The following PXN variants were observed in gnomAD, a reference collection of about 807,000 sequenced individuals.
PXN encodes testicular tissue protein Li 134.
Under a neutral mutation model 103.6 loss-of-function variants are expected in PXN, and 61 were observed. That is an observed-to-expected ratio of 0.59 (90% confidence interval 0.48 to 0.73). PXN has a LOEUF of 0.73. Among genes scored for constraint, PXN ranks in the 30% least tolerant of loss-of-function variants. The pLI is 0.00. For missense variants in PXN, 1,274 were observed against 1,460.3 expected (o/e 0.87, Z 2.08); for synonymous variants, 562 against 607.8 (o/e 0.92, Z 1.11).
chr12:120,222,434 C>A lies in PXN; in HGVS notation c.695+115G>T. 3 of 1,217,584 alleles carry A rather than the reference C, an allele frequency of 2.5e-6. No homozygotes were observed. Among genetic ancestry groups the A allele is most frequent in the Non-Finnish European group, 3.4e-6 (3 of 889,380 alleles). 75.4% of individuals were successfully genotyped at this position (1,217,584 alleles called of 1,614,324 possible). On this transcript the variant is annotated intron_variant, in intron 5 of 14. Transcript: ENST00000637617. This position sits in a 1 kb window ranked among gnomAD's most constrained non-coding sequence, Gnocchi z 4.7. Reference sequence around the variant, plus strand: ...TCACCACTATCCCCCCAGTGCCTGGCAAATGGCAGACACGGGAGGGAGTGG... The same window carrying A: ...TCACCACTATCCCCCCAGTGCCTGGAAAATGGCAGACACGGGAGGGAGTGG...
intron 1 of PXN, among the ~76,000 whole-genome samples, chr12:120,246,800 A>G (rs1201999871): frequency 6.6e-6 from 1 of 151,006 alleles, no homozygotes; most frequent in East Asian, 1.9e-4. Flanking sequence ...GGTTGCAGTG[A>G]GCCAGGATTG....
Position 120,219,928 on chromosome 12 carries a change from C to A in PXN, c.995G>T (p.Cys332Phe), listed in dbSNP as rs1884579365. The change falls in exon 7 of 15, where the codon TGT becomes TTT. Residue 332 changes from cysteine to phenylalanine, a missense_variant. Transcript: ENST00000637617. The surrounding 1 kb of genome is among the most constrained non-coding windows in gnomAD (Gnocchi z 6.5). The stretch of plus-strand genomic sequence containing the variant: ...AAGGCCTCGTCCACTCTGCTCAGTA[C>A]AAGGGAACTCCGGAGTGTGGCCCTG... ...RGQGHTPEFP[C>F]TEQSGRGLLP... The A allele has an allele frequency of 1.9e-6, 3 of 1,597,910 alleles. No individual in the cohort carries two copies. The highest frequency in any genetic ancestry group is 2.5e-6 in the Non-Finnish European group (3 of 1,179,352).
chr12:120,260,483 A>G (rs1366351350), intron 1 of PXN, among the ~76,000 whole-genome samples: 1 of 141,300 alleles, frequency 7.1e-6, no homozygotes, highest in African/African-American at 2.7e-5. Flanking sequence ...AGCCTGGGCA[A>G]TAAGAGTGAA....
chr12:120,263,638 C>G (rs1894225024), intron 1 of PXN, among the ~76,000 whole-genome samples: 1 of 152,232 alleles, frequency 6.6e-6, no homozygotes, highest in South Asian at 2.1e-4. Context: ...GTGGTCATGA[C>G]AGCATTGGCT....
rs1479016477 is a variant in PXN, at chr12:120,248,190, T to C, written c.13+17427A>G. Among the ~76,000 whole-genome samples, 48 of 152,096 alleles carry C rather than the reference T, an allele frequency of 3.2e-4. 2 individuals are homozygous for C. The highest frequency in any genetic ancestry group is 5.9e-5 in the Non-Finnish European group (4 of 68,012). ...GGTGAAGAGCAGGAGGACAGAGGGC[T>C]GCCAGACTGCTGGTCTGGGGAACAT... On this transcript the variant is annotated intron_variant, in intron 1 of 14. Transcript: ENST00000637617.
In PXN at chr12:120,229,992, C is replaced by G. The variant is rs1332794464; in HGVS notation, c.14-5615G>C. 6.6e-6 allele frequency among the ~76,000 whole-genome samples: 1 copy of G among 152,198 alleles called. No individual in the cohort carries two copies. The highest frequency in any genetic ancestry group is 1.5e-5 in the Non-Finnish European group (1 of 68,028). ...GAGGTATAGTCCTGTGGCCCTCAGG[C>G]AGCGCCCCACCTTAGCACGCCTTGC... On this transcript the variant is annotated intron_variant, in intron 1 of 14. Transcript: ENST00000637617. This position sits in a 1 kb window ranked among gnomAD's most constrained non-coding sequence, Gnocchi z 4.0.
In PXN at chr12:120,215,807, T is replaced by C. The variant is rs1882722839; in HGVS notation, c.2302-146A>G. ...GCAGGACCAAAATTGGGGGAAAAAA[T>C]CTGGAGAAAAAGAGCCCTGAGAGAG... On this transcript the variant is annotated intron_variant, in intron 9 of 14. Transcript: ENST00000637617. This position sits in a 1 kb window ranked among gnomAD's most constrained non-coding sequence, Gnocchi z 4.9. 1 of 1,279,018 alleles carries C rather than the reference T, an allele frequency of 7.8e-7. No individual in the cohort carries two copies. Among genetic ancestry groups the C allele is most frequent in the South Asian group, 1.8e-5 (1 of 56,982 alleles). The allele number at this position is 1,279,018 out of a possible 1,614,324, so 79.2% of individuals were successfully genotyped here. A position where few individuals can be genotyped will look rare whatever the true frequency, so the allele number is the denominator to read the frequency against.
rs1199783499 is a variant in PXN, at chr12:120,214,181, C to T, written c.2785G>A (p.Glu929Lys). Residue 929 changes from glutamate to lysine, a missense_variant, in exon 13 of 15, where the codon GAA becomes AAA. Glu to Lys is a moderately conservative substitution (Grantham distance 56). Coordinates refer to ENST00000637617, the MANE Select transcript of PXN (RefSeq NM_001385981.1). The surrounding 1 kb of genome is among the most constrained non-coding windows in gnomAD (Gnocchi z 5.0). ...VTALDRTWHP[E>K]HFFCAQCGAF... ...CCACACTGTGCACAGAAGAAGTGTT[C>T]AGGGTGCCACGTCCGGTCAAGGGCT... 3.2e-6 allele frequency: 5 copies of T among 1,552,194 alleles called. No individual in the cohort carries two copies. The highest frequency in any genetic ancestry group is 4.4e-6 in the Non-Finnish European group (5 of 1,147,346).
At position 120,219,307 on chromosome 12, in the gene PXN, G is replaced by A. The variant is rs201683893; in HGVS notation, c.1616C>T (p.Thr539Met). ...CTTCCCGTCCTGGGTGGCAGCTTCC[G>A]TGGTGCCCTCTGGGCTCCTTGGGGT... Reference protein sequence around the residue: ...PETPRSPEGTTEAATQDGKEQ... With the variant: ...PETPRSPEGTMEAATQDGKEQ... Residue 539 changes from threonine to methionine, a missense_variant, in exon 7 of 15, where the codon ACG becomes ATG. Coordinates refer to ENST00000637617, the MANE Select transcript of PXN (RefSeq NM_001385981.1). This position sits in a 1 kb window ranked among gnomAD's most constrained non-coding sequence, Gnocchi z 6.5. The A allele has an allele frequency of 5.6e-5, 89 of 1,598,314 alleles. No homozygotes were observed. The highest frequency in any genetic ancestry group is 1.6e-4 in the Middle Eastern group (1 of 6,082).
chr12:120,234,657 G>A (rs1888684738), intron 1 of PXN, among the ~76,000 whole-genome samples: 1 of 152,100 alleles, frequency 6.6e-6, no homozygotes, highest in African/African-American at 2.4e-5. Context: ...TGAGGAGGAT[G>A]GGTTCAAATC....
chr12:120,235,180 C>T (rs1381432834), intron 1 of PXN, among the ~76,000 whole-genome samples: 2 of 152,194 alleles, frequency 1.3e-5, no homozygotes, highest in Admixed American at 6.5e-5. Flanking sequence ...AACCCAGAAT[C>T]GCAACAATAG....
intron 3 of PXN, among the ~76,000 whole-genome samples, 161 bp from the exon 4 acceptor site, chr12:120,223,160 G>A (rs750794122): frequency 1.3e-5 from 2 of 152,112 alleles, no homozygotes; most frequent in Non-Finnish European, 2.9e-5. Flanking sequence ...AAGAGGGGAG[G>A]AGGCCGGGCA....
rs998655772 is a variant in PXN at position 120,216,195 on chromosome 12, C to A, written c.2301+78G>T. ...GGGTATCTGTGTATGTGTGTGTGCA[C>A]GTGTGTGTGTGCAGAGTGGGGGATG... On this transcript the variant is annotated intron_variant, in intron 9 of 14. Transcript: ENST00000637617. This position sits in a 1 kb window ranked among gnomAD's most constrained non-coding sequence, Gnocchi z 5.1. The A allele has an allele frequency of 2.4e-6, 3 of 1,267,316 alleles. No homozygotes were observed. Among genetic ancestry groups the A allele is most frequent in the East Asian group, 3.1e-5 (1 of 31,938 alleles). The allele number at this position is 1,267,316 out of a possible 1,614,324, so 78.5% of individuals were successfully genotyped here.
chr12:120,225,936 G>T lies in PXN; in HGVS notation c.14-1559C>A. 1 of 433,428 alleles carries T rather than the reference G, an allele frequency of 2.3e-6. No homozygotes were observed. The highest frequency in any genetic ancestry group is 3.3e-6 in the Non-Finnish European group (1 of 304,826). The allele number at this position is 433,428 out of a possible 1,614,324, so 26.8% of individuals were successfully genotyped here. ...CATGCTCCTGCCCAGATGGACAGAG[G>T]GGATGTCTGTTCCAAGGCCCAGGAC... is the stretch of plus-strand genomic sequence containing the variant. On this transcript the variant is annotated intron_variant, in intron 1 of 14. Coordinates refer to ENST00000637617, the MANE Select transcript of PXN (RefSeq NM_001385981.1). This position sits in a 1 kb window ranked among gnomAD's most constrained non-coding sequence, Gnocchi z 4.4.
chr12:120,238,436 G>A (rs572298667), intron 1 of PXN, among the ~76,000 whole-genome samples: 2 of 152,294 alleles, frequency 1.3e-5, no homozygotes, highest in South Asian at 4.1e-4. Context: ...GGCTTGGCTG[G>A]CCTGGCCTCC....
At position 120,215,628 on chromosome 12, in the gene PXN, G is replaced by T; in HGVS notation, c.2335C>A (p.Arg779=). 1 of 1,611,944 alleles carries T rather than the reference G, an allele frequency of 6.2e-7. No homozygotes were observed. Among genetic ancestry groups the T allele is most frequent in the East Asian group, 2.2e-5 (1 of 44,830 alleles). ...QGLEQRADGE[R]CWAAGWPRDG... ...CGAGGCCAGCCGGCCGCCCAGCACC[G>T]CTCCCCATCCGCTCTTTGCTCCAGG... The change falls in exon 10 of 15, where the codon CGG becomes AGG. Residue 779 remains arginine (R), a synonymous_variant. Transcript: ENST00000637617. The surrounding 1 kb of genome is among the most constrained non-coding windows in gnomAD (Gnocchi z 4.9).
At chr12:120,251,860 T>A (rs754984645) in intron 1 of PXN, among the ~76,000 whole-genome samples, 3 of 152,002 alleles carry the variant, frequency 2.0e-5, no homozygotes, top group Non-Finnish European at 4.4e-5. Context: ...AAGAGAATGA[T>A]ACCAAAAGCC....
intron 1 of PXN, among the ~76,000 whole-genome samples, chr12:120,227,736 C>T (rs571509699): frequency 6.6e-6 from 1 of 152,192 alleles, no homozygotes; most frequent in South Asian, 2.1e-4. Context: ...TCCAAACCCC[C>T]CACAAACTCC....
intron 1 of PXN, among the ~76,000 whole-genome samples, chr12:120,237,998 G>A (rs957027681): frequency 6.6e-6 from 1 of 152,200 alleles, no homozygotes; most frequent in East Asian, 1.9e-4. Flanking sequence ...GGAATGCCCC[G>A]GCCACTGTCC....
Sources: gnomAD v4.1 joint callset for allele counts (sites outside exome capture counted in the v4.1 genomes callset) on GRCh38, gnomAD v4.1.1 for gene constraint, Gnocchi (gnomAD v3.1) non-coding constraint, MANE v1.5 for transcripts, NCBI Gene and HGNC (gene_info 2026-07-23, HGNC 2026-07-21) for gene names.